Variants in PPFIA3 observed in about 807,000 individuals in gnomAD.
PPFIA3 encodes the protein PPFI scaffold protein A3.
Under a neutral mutation model 145.8 loss-of-function variants are expected in PPFIA3, and 26 were observed. The observed-to-expected ratio is 0.18, with a 90% CI of 0.13 to 0.25. The LOEUF (loss-of-function observed/expected upper bound fraction) is 0.25. Ranked by LOEUF, PPFIA3 falls within the 10% of genes least tolerant of loss-of-function variation. The pLI is 1.00. For synonymous variants in PPFIA3, 645 were observed against 661.4 expected (o/e 0.98, Z 0.38); for missense variants, 1,008 against 1,587.8 (o/e 0.63, Z 6.21).
intron 1 of PPFIA3, among the ~76,000 whole-genome samples, chr19:49,126,280 A>G (rs535231794): frequency 2.8e-5 from 4 of 145,028 alleles, no homozygotes; most frequent in South Asian, 4.4e-4. Flanking sequence ...ATGGAATCTC[A>G]CACTGTTGCC....
At chr19:49,134,466 G>A (rs1013166705) in intron 11 of PPFIA3, among the ~76,000 whole-genome samples, 173 bp from the exon 12 acceptor site, 2 of 152,064 alleles carry the variant, frequency 1.3e-5, no homozygotes, top group African/African-American at 2.4e-5. Context: ...CGCATCCCGG[G>A]GCTTCTCTCC....
intron 24 of PPFIA3, 43 bp downstream of exon 24, chr19:49,148,301 C>T: frequency 6.3e-7 from 1 of 1,580,706 alleles, no homozygotes; most frequent in South Asian, 1.2e-5. Context: ...AAGGGAAGCC[C>T]CACCCCAGAG....
At chr19:49,147,544 G>A (rs1419806868) in intron 23 of PPFIA3, among the ~76,000 whole-genome samples, 6 of 151,764 alleles carry the variant, frequency 4.0e-5, no homozygotes, top group Non-Finnish European at 7.4e-5. Flanking sequence ...AAAATTAGCC[G>A]GGCGTGGTGG....
In PPFIA3 at chr19:49,142,930, C is replaced by G; in HGVS notation, c.2671C>G (p.Arg891Gly). The part of the protein sequence containing the change: ...REIGISNPLH[R>G]LKLRLAIQEM... ...GATCGGCATCAGCAACCCGCTGCACCGACTCAAGCTACGCCTCGCCATCCA... is the reference window on the plus strand; with the variant it reads ...GATCGGCATCAGCAACCCGCTGCACGGACTCAAGCTACGCCTCGCCATCCA... Residue 891 changes from arginine to glycine, a missense_variant, in exon 21 of 30, where the codon CGA (arginine) becomes GGA (glycine). Physicochemically the swap from Arg to Gly is moderately radical, Grantham distance 125. Around this residue, in one of 11 missense-constraint regions of PPFIA3, gnomAD observed 154 missense variants for 369.2 expected, o/e 0.42. Transcript: ENST00000334186. 1 of 1,613,688 alleles carries G rather than the reference C, an allele frequency of 6.2e-7. No homozygotes were observed. The highest frequency in any genetic ancestry group is 8.5e-7 in the Non-Finnish European group (1 of 1,180,006).
chr19:49,124,633 T>G (rs530615752), intron 1 of PPFIA3, among the ~76,000 whole-genome samples: 1 of 152,196 alleles, frequency 6.6e-6, no homozygotes, highest in Non-Finnish European at 1.5e-5. Flanking sequence ...TTCCCCACCC[T>G]GTACTGTGTG....
At position 49,132,993 on chromosome 19, in the gene PPFIA3, C is replaced by T. The variant is rs769501172; in HGVS notation, c.880-8C>T. ...CGCAGTCCACGGGGCCCTTTGCTAC[C>T]TCCGCAGGCGCTGGCGCAGCGGGAA... On this transcript the variant is annotated splice_region_variant and splice_polypyrimidine_tract_variant and intron_variant, in intron 7 of 29. Transcript: ENST00000334186. The T allele has an allele frequency of 6.2e-7, 1 of 1,609,666 alleles. No individual in the cohort carries two copies. The highest frequency in any genetic ancestry group is 2.2e-5 in the East Asian group (1 of 44,748).
At chr19:49,150,003 A>T (rs893280106) in intron 28 of PPFIA3, 77 bp from the exon 29 acceptor site, 2 of 1,479,808 alleles carry the variant, frequency 1.4e-6, no homozygotes, top group Non-Finnish European at 1.8e-6. Context: ...CGGGAAGGGA[A>T]GTCCAAAGGG....
Position 49,138,139 on chromosome 19 carries a change from T to C in PPFIA3, c.1854-66T>C, listed in dbSNP as rs576841105. The C allele has an allele frequency of 1.8e-5, 27 of 1,464,112 alleles. No individual in the cohort carries two copies. The South Asian group carries it at 3.9e-4, about 21-fold the overall frequency. 90.7% of individuals were successfully genotyped at this position (1,464,112 alleles called of 1,614,324 possible). On this transcript the variant is annotated intron_variant, in intron 15 of 29. Coordinates refer to ENST00000334186, the MANE Select transcript of PPFIA3 (RefSeq NM_003660.4). ...ACCAGGCCTTTCTGGCCCATTGTGCTCCCAGATTCCCTCTCCCGCTGTCTG... is the reference window on the plus strand; with the variant it reads ...ACCAGGCCTTTCTGGCCCATTGTGCCCCCAGATTCCCTCTCCCGCTGTCTG...
chr19:49,145,446 T>C (rs1046074677), intron 21 of PPFIA3, among the ~76,000 whole-genome samples: 2 of 152,220 alleles, frequency 1.3e-5, no homozygotes, highest in Non-Finnish European at 2.9e-5. Context: ...GAAAAGTGTC[T>C]GTCGTGTCCC....
At chr19:49,132,890 C>A in intron 7 of PPFIA3, 111 bp from the exon 8 acceptor site, 1 of 1,406,960 alleles carries the variant, frequency 7.1e-7, no homozygotes, top group Non-Finnish European at 9.7e-7. Flanking sequence ...GGGTGTGACA[C>A]CACCATTCTG....
At position 49,149,888 on chromosome 19, in the gene PPFIA3, C is replaced by G; in HGVS notation, c.3526+170C>G. On this transcript the variant is annotated intron_variant, in intron 28 of 29. Transcript: ENST00000334186. This position sits in a 1 kb window ranked among gnomAD's most constrained non-coding sequence, Gnocchi z 5.7. ...GTCAGGATGAAATGGATAAATCCCACTCCCCCTTCCCAGGGCGGGAGTGAA... is the reference window on the plus strand; with the variant it reads ...GTCAGGATGAAATGGATAAATCCCAGTCCCCCTTCCCAGGGCGGGAGTGAA... 8.9e-7 allele frequency: 1 copy of G among 1,121,684 alleles called. No individual in the cohort carries two copies. 69.5% of individuals were successfully genotyped at this position (1,121,684 alleles called of 1,614,324 possible).
intron 5 of PPFIA3, 123 bp from the exon 6 acceptor site, chr19:49,129,870 C>G: frequency 2.0e-6 from 2 of 1,009,624 alleles, no homozygotes; most frequent in East Asian, 4.9e-5. Flanking sequence ...TAGGCATGGC[C>G]CCAGCACGAC....
intron 1 of PPFIA3, among the ~76,000 whole-genome samples, chr19:49,125,597 T>C (rs1178119024): frequency 6.6e-6 from 1 of 151,096 alleles, no homozygotes; most frequent in East Asian, 2.0e-4. Context: ...CTGGGGTTGG[T>C]GGGAGCGTCC....
At chr19:49,146,101 T>C in intron 22 of PPFIA3, 65 bp from the exon 23 acceptor site, 1 of 1,610,122 alleles carries the variant, frequency 6.2e-7, no homozygotes, top group Non-Finnish European at 8.5e-7. Flanking sequence ...AGTCCGCTCC[T>C]TGCGTCCTCC....
rs748269829 is a variant in PPFIA3, at chr19:49,134,082, G to C, written c.1294G>C (p.Glu432Gln). 6 of 1,613,874 alleles carry C rather than the reference G, an allele frequency of 3.7e-6. No individual in the cohort carries two copies. The highest frequency in any genetic ancestry group is 3.3e-5 in the Admixed American group (2 of 59,942). ...CGATGACCACAATAAGCGGCTGTCCGAGACGGTGGACAAGCTGCTGAGCGA... is the reference window on the plus strand; with the variant it reads ...CGATGACCACAATAAGCGGCTGTCCCAGACGGTGGACAAGCTGCTGAGCGA... ...MNDDHNKRLS[E>Q]TVDKLLSESN... Residue 432 changes from glutamate (E) to glutamine (Q), a missense_variant, in exon 11 of 30, where the codon GAG becomes CAG. Glu to Gln is a conservative substitution (Grantham distance 29, BLOSUM62 2). Transcript: ENST00000334186.
intron 24 of PPFIA3, 151 bp from the exon 25 acceptor site, chr19:49,148,515 G>GCCTCA (rs1281694734): frequency 4.1e-6 from 3 of 735,032 alleles, no homozygotes; most frequent in Non-Finnish European, 6.7e-6. Flanking sequence ...TATTGAAAAT[G>GCCTCA]CCTCACCTCC....
chr19:49,142,347 G>T (rs1475546197), intron 20 of PPFIA3, among the ~76,000 whole-genome samples: 2 of 152,014 alleles, frequency 1.3e-5, no homozygotes. Flanking sequence ...CTGGGTCATG[G>T]TCTCCTGTCG....
rs374037699 is a variant in PPFIA3, at chr19:49,140,087, G to C, written c.2367G>C (p.Leu789=). The change falls in exon 18 of 30, where the codon CTG becomes CTC. Residue 789 remains leucine, a splice_region_variant and synonymous_variant. Coordinates refer to ENST00000334186, the MANE Select transcript of PPFIA3 (RefSeq NM_003660.4). Reference sequence around the variant, plus strand: ...CCCCAGGCCGGGACAGCTCTTCTCTGGGTGAGTACCTCACTCTAACCCTTC... The same window carrying C: ...CCCCAGGCCGGGACAGCTCTTCTCTCGGTGAGTACCTCACTCTAACCCTTC... ...MGPPGRDSSS[L]AGTPSDETLA... 192 of 1,613,696 alleles carry C rather than the reference G, an allele frequency of 1.2e-4. No homozygotes were observed. Among genetic ancestry groups the C allele is most frequent in the Non-Finnish European group, 1.5e-4 (178 of 1,180,042 alleles).
At position 49,138,384 on chromosome 19, in the gene PPFIA3, G is replaced by T. The variant is rs371411107; in HGVS notation, c.2033G>T (p.Arg678Leu). Residue 678 changes from arginine to leucine, a missense_variant, in exon 16 of 30, where the codon CGC becomes CTC. Arg to Leu is a moderately radical substitution (Grantham distance 102, BLOSUM62 -2). This residue lies in a region of PPFIA3 where 202 missense variants were observed against 241.8 expected (regional missense o/e 0.84). Transcript: ENST00000334186. ...CCCAGCTCTGGCCACTCAACACCCCGCCTGGCACCCCCTAGCCCTGCCCGT... is the reference window on the plus strand; with the variant it reads ...CCCAGCTCTGGCCACTCAACACCCCTCCTGGCACCCCCTAGCCCTGCCCGT... ...SPPSSGHSTP[R>L]LAPPSPAREG... 13 of 1,549,132 alleles carry T rather than the reference G, an allele frequency of 8.4e-6. No homozygotes were observed. Among genetic ancestry groups the T allele is most frequent in the African/African-American group, 1.4e-5 (1 of 71,976 alleles).
Sources: allele counts gnomAD v4.1 joint callset (sites outside exome capture counted in the v4.1 genomes callset), GRCh38; gene constraint gnomAD v4.1.1; regional missense constraint gnomAD v4.1.1; non-coding constraint Gnocchi (gnomAD v3.1); transcripts MANE v1.5; gene names NCBI Gene and HGNC (gene_info 2026-07-23, HGNC 2026-07-21).